The following GPC6 variants were observed in gnomAD, a reference collection of about 807,000 sequenced individuals.
GPC6 encodes the protein glypican 6.
GPC6 carries 14 observed loss-of-function variants against 55.2 expected under a neutral mutation model. The ratio of observed to expected loss-of-function variants is 0.25; its 90% CI spans 0.17 to 0.40. The LOEUF (loss-of-function observed/expected upper bound fraction) is 0.40. Ranked by LOEUF, GPC6 falls within the 10% of genes least tolerant of loss-of-function variation. The pLI is 1.00. For synonymous variants in GPC6, 278 were observed against 259.6 expected, an observed-to-expected ratio of 1.07 and a Z score of -0.68; for missense variants, 641 against 708.5, an observed-to-expected ratio of 0.90 and a Z score of 1.08.
intron 1 of GPC6, among the ~76,000 whole-genome samples, chr13:93,528,470 G>T (rs1434425547): frequency 1.3e-5 from 2 of 152,142 alleles, no homozygotes; most frequent in African/African-American, 4.8e-5. Context: ...TCACTGGGAG[G>T]TGGTGAATTA....
intron 4 of GPC6, among the ~76,000 whole-genome samples, chr13:94,113,961 G>A (rs758554117): frequency 6.1e-5 from 9 of 148,042 alleles, no homozygotes; most frequent in Non-Finnish European, 1.3e-4. Context: ...GACAGAGGTT[G>A]CAGTGAGATC....
intron 1 of GPC6, among the ~76,000 whole-genome samples, chr13:93,521,706 G>T (rs966963174): frequency 6.6e-6 from 1 of 151,906 alleles, no homozygotes; most frequent in South Asian, 2.1e-4. Flanking sequence ...TGAGGTGATT[G>T]GTGGCAAGGC....
intron 1 of GPC6, among the ~76,000 whole-genome samples, chr13:93,491,560 A>G (rs982187845): frequency 5.1e-5 from 7 of 137,710 alleles, no homozygotes; most frequent in Non-Finnish European, 1.5e-5. Context: ...TTTTGTTGCC[A>G]TTGCTTTTGG....
Position 93,796,701 on chromosome 13 carries a change from T to G in GPC6, c.320-33453T>G, listed in dbSNP as rs559657750. On this transcript the variant is annotated intron_variant, in intron 2 of 8. Coordinates refer to ENST00000377047, the MANE Select transcript of GPC6 (RefSeq NM_005708.5). ...ACATGAAGCTATGACTTTAACCTCT[T>G]CTTGGCTGCAAAGTGAAATCTATTT... 2.0e-5 allele frequency among the ~76,000 whole-genome samples: 3 copies of G among 152,302 alleles called. No homozygotes were observed. The East Asian group carries it at 5.8e-4, about 29-fold the overall frequency.
At chr13:93,854,027 C>T (rs969337307) in intron 3 of GPC6, among the ~76,000 whole-genome samples, 25 of 151,548 alleles carry the variant, frequency 1.6e-4, no homozygotes, top group African/African-American at 4.8e-4. Flanking sequence ...CACTTCACGT[C>T]GTGGATCTGA....
At position 93,276,713 on chromosome 13, in the gene GPC6, C is replaced by A. The variant is rs545921782; in HGVS notation, c.160+49097C>A. ...GGAGCCACCAGGCAGTGGCTTGCTG[C>A]TGGCTTTTATCCCTTTCCTCGGGAG... On this transcript the variant is annotated intron_variant, in intron 1 of 8. Coordinates refer to ENST00000377047, the MANE Select transcript of GPC6 (RefSeq NM_005708.5). Among the ~76,000 whole-genome samples, 7 of 152,176 alleles carry A rather than the reference C, an allele frequency of 4.6e-5. No homozygotes were observed. The South Asian group carries it at 1.4e-3, about 32-fold the overall frequency.
At chr13:93,348,249 C>A (rs1318274763) in intron 1 of GPC6, among the ~76,000 whole-genome samples, 2 of 152,090 alleles carry the variant, frequency 1.3e-5, no homozygotes, top group Admixed American at 1.3e-4. Context: ...ATGTAAATTG[C>A]AAATTAATAT....
At chr13:93,480,026 T>C (rs1031327941) in intron 1 of GPC6, among the ~76,000 whole-genome samples, 3 of 152,150 alleles carry the variant, frequency 2.0e-5, no homozygotes, top group African/African-American at 7.2e-5. Context: ...TTTAGAAACA[T>C]TGATAAGTGA....
intron 4 of GPC6, among the ~76,000 whole-genome samples, chr13:94,157,982 A>G (rs1888014770): frequency 6.6e-6 from 1 of 152,180 alleles, no homozygotes; most frequent in South Asian, 2.1e-4. Context: ...ACTAAGAGAA[A>G]GAACACAGAG....
chr13:94,213,406 GTT>G (rs1378490955), intron 4 of GPC6, among the ~76,000 whole-genome samples: 1 of 152,186 alleles, frequency 6.6e-6, no homozygotes, highest in East Asian at 1.9e-4. Context: ...GCTTCTGTCA[GTT>G]AGCTTTTGCT....
At chr13:94,157,502 G>A (rs1887994985) in intron 4 of GPC6, among the ~76,000 whole-genome samples, 1 of 152,156 alleles carries the variant, frequency 6.6e-6, no homozygotes. Context: ...CAGAGAATGG[G>A]AGAAGTAATG....
intron 4 of GPC6, among the ~76,000 whole-genome samples, chr13:94,220,180 C>T (rs1000804318): frequency 1.3e-5 from 2 of 152,020 alleles, no homozygotes; most frequent in East Asian, 2.0e-4. Context: ...AGATGGAAAA[C>T]TATCACCAAA....
At chr13:93,431,598 T>C (rs1249115281) in intron 1 of GPC6, among the ~76,000 whole-genome samples, 1 of 152,152 alleles carries the variant, frequency 6.6e-6, no homozygotes. Flanking sequence ...ACAATTTGTT[T>C]ATATTACATT....
intron 2 of GPC6, among the ~76,000 whole-genome samples, chr13:93,663,091 G>C (rs1880989730): frequency 8.5e-6 from 1 of 117,564 alleles, no homozygotes; most frequent in Admixed American, 8.8e-5. Context: ...CCAGTGACTG[G>C]TTGCAAAAAA....
At chr13:94,193,291 G>T (rs185737342) in intron 4 of GPC6, among the ~76,000 whole-genome samples, 12 of 152,066 alleles carry the variant, frequency 7.9e-5, no homozygotes, top group South Asian at 4.2e-4. Flanking sequence ...CCATAGGAGC[G>T]GTCCAAAGTG....
At chr13:93,453,959 G>C (rs1878332057) in intron 1 of GPC6, among the ~76,000 whole-genome samples, 1 of 152,292 alleles carries the variant, frequency 6.6e-6, no homozygotes, top group Non-Finnish European at 1.5e-5. Flanking sequence ...ACATCCTGCT[G>C]ATTGGTAGAG....
intron 3 of GPC6, among the ~76,000 whole-genome samples, chr13:93,913,782 T>C (rs1263783208): frequency 6.6e-6 from 1 of 152,180 alleles, no homozygotes; most frequent in East Asian, 1.9e-4. Flanking sequence ...GATGATTCAC[T>C]ATCGAAGGAT....
intron 2 of GPC6, among the ~76,000 whole-genome samples, chr13:93,549,265 G>A (rs550416786): frequency 3.9e-5 from 6 of 152,078 alleles, no homozygotes; most frequent in East Asian, 1.9e-4. Flanking sequence ...ATATTAAAAC[G>A]TAGACAAGGG....
At chr13:93,711,481 T>C (rs913341700) in intron 2 of GPC6, among the ~76,000 whole-genome samples, 7 of 151,874 alleles carry the variant, frequency 4.6e-5, no homozygotes, top group African/African-American at 1.7e-4. Flanking sequence ...TGAGATTTGT[T>C]TGGGGGCACA....
Sources: allele counts gnomAD v4.1 joint callset (sites outside exome capture counted in the v4.1 genomes callset), GRCh38; gene constraint gnomAD v4.1.1; transcripts MANE v1.5; gene names NCBI Gene and HGNC (gene_info 2026-07-23, HGNC 2026-07-21).